The following FBXL17 variants were observed in gnomAD, a reference collection of about 807,000 sequenced individuals.
FBXL17 encodes F-box and leucine rich repeat protein 17.
In FBXL17, 22 loss-of-function variants were observed where a neutral mutation model predicts 66.2. The observed-to-expected ratio is 0.33, with a 90% CI of 0.24 to 0.47. FBXL17 has a LOEUF of 0.47. Ranked by LOEUF, FBXL17 falls within the 20% of genes least tolerant of loss-of-function variation. FBXL17 has a pLI of 1.00. For synonymous variants in FBXL17, 474 were observed against 400.5 expected (o/e 1.18, Z -2.19); for missense variants, 878 against 948.2 (o/e 0.93, Z 0.97).
At chr5:108,347,336 T>C (rs774712229) in intron 4 of FBXL17, among the ~76,000 whole-genome samples, 22 of 152,218 alleles carry the variant, frequency 1.4e-4, no homozygotes, top group Non-Finnish European at 2.8e-4. Flanking sequence ...CTACTGTATA[T>C]GCTATCCACT....
At chr5:108,161,118 G>C (rs940962585) in intron 6 of FBXL17, among the ~76,000 whole-genome samples, 1 of 151,586 alleles carries the variant, frequency 6.6e-6, no homozygotes, top group Non-Finnish European at 1.5e-5. Context: ...AGAGTCCCGG[G>C]AGAAAAAACT....
At chr5:108,016,803 G>T (rs1424160468) in intron 7 of FBXL17, among the ~76,000 whole-genome samples, 3 of 145,422 alleles carry the variant, frequency 2.1e-5, no homozygotes, top group Non-Finnish European at 4.5e-5. Context: ...TTTTGAGACA[G>T]AGTTTCGCTT....
intron 6 of FBXL17, among the ~76,000 whole-genome samples, chr5:108,164,419 C>T (rs1752333182): frequency 6.6e-6 from 1 of 152,138 alleles, no homozygotes; most frequent in African/African-American, 2.4e-5. Context: ...CAAGCCTCTT[C>T]TTAGGCTGTA....
chr5:108,239,375 A>G (rs537145048), intron 4 of FBXL17, among the ~76,000 whole-genome samples: 2 of 152,350 alleles, frequency 1.3e-5, no homozygotes, highest in South Asian at 4.1e-4. Context: ...CACAAGGCAC[A>G]GGGAGTGAAT....
At chr5:108,129,638 A>ATTACTGAG (rs1750852346) in intron 6 of FBXL17, among the ~76,000 whole-genome samples, 1 of 152,056 alleles carries the variant, frequency 6.6e-6, no homozygotes, top group African/African-American at 2.4e-5. Flanking sequence ...TGAGATGAAA[A>ATTACTGAG]TTACTGAGTA....
At chr5:108,286,492 AAAC>A (rs1757906250) in intron 4 of FBXL17, among the ~76,000 whole-genome samples, 1 of 151,858 alleles carries the variant, frequency 6.6e-6, no homozygotes, top group Admixed American at 6.6e-5. Flanking sequence ...TCCTATATAC[AAAC>A]AACATCCAAG....
chr5:107,877,871 T>G (rs1005854525), intron 8 of FBXL17, among the ~76,000 whole-genome samples: 1 of 152,218 alleles, frequency 6.6e-6, no homozygotes, highest in African/African-American at 2.4e-5. Context: ...CTGGCACAGA[T>G]GATCACAGAC....
At position 107,911,228 on chromosome 5, in the gene FBXL17, G is replaced by A. The variant is rs1749939578; in HGVS notation, c.1823-30049C>T. ...CTGAAGAGATTCCAGGAACAGACTT[G>A]TGGATATATGAAAATTTTTATAAGA... is the stretch of plus-strand genomic sequence containing the variant. On this transcript the variant is annotated intron_variant, in intron 7 of 8. Transcript: ENST00000542267. Among the ~76,000 whole-genome samples, 3 of 152,174 alleles carry A rather than the reference G, an allele frequency of 2.0e-5. No homozygotes were observed. The South Asian group carries it at 6.2e-4, about 32-fold the overall frequency.
Position 108,055,182 on chromosome 5 carries a change from T to C in FBXL17, c.1746-34181A>G, listed in dbSNP as rs139808811. On this transcript the variant is annotated intron_variant, in intron 6 of 8. Transcript: ENST00000542267. ...AATAATAAAATAACATTATTATTGA[T>C]AATATGCTACAGTATTATTACCAGA... Among the ~76,000 whole-genome samples, 154 of 148,432 alleles carry C rather than the reference T, an allele frequency of 1.0e-3. 1 individual carries two copies. The highest frequency in any genetic ancestry group is 3.8e-3 in the African/African-American group (152 of 40,394).
At chr5:108,108,374 T>C (rs943541628) in intron 6 of FBXL17, among the ~76,000 whole-genome samples, 2 of 152,196 alleles carry the variant, frequency 1.3e-5, no homozygotes, top group African/African-American at 4.8e-5. Flanking sequence ...GTTAAAAAAG[T>C]AGATAAACAA....
intron 7 of FBXL17, among the ~76,000 whole-genome samples, chr5:107,951,404 T>C (rs1751493416): frequency 6.6e-6 from 1 of 152,194 alleles, no homozygotes; most frequent in South Asian, 2.1e-4. Flanking sequence ...GGCATTCAGA[T>C]AAAAAACTGC....
At chr5:108,137,030 A>G (rs1014889413) in intron 6 of FBXL17, among the ~76,000 whole-genome samples, 8 of 152,188 alleles carry the variant, frequency 5.3e-5, no homozygotes, top group African/African-American at 1.9e-4. Flanking sequence ...TCAAAGGGTA[A>G]TAACATTTAA....
chr5:108,332,017 A>T (rs1760146682), intron 4 of FBXL17, among the ~76,000 whole-genome samples: 1 of 152,212 alleles, frequency 6.6e-6, no homozygotes, highest in Non-Finnish European at 1.5e-5. Context: ...TGACCTCCTT[A>T]GAAACTTATT....
intron 6 of FBXL17, among the ~76,000 whole-genome samples, chr5:108,117,549 A>G (rs1053183235): frequency 6.6e-6 from 1 of 152,242 alleles, no homozygotes. Flanking sequence ...CAACACAGTA[A>G]CTATGAGTAT....
chr5:108,336,556 T>A (rs531526195), intron 4 of FBXL17, among the ~76,000 whole-genome samples: 1 of 152,056 alleles, frequency 6.6e-6, no homozygotes, highest in Non-Finnish European at 1.5e-5. Context: ...TGTACAACCA[T>A]GTGAATGAAA....
chr5:108,261,855 A>G (rs956680733), intron 4 of FBXL17, among the ~76,000 whole-genome samples: 6 of 152,080 alleles, frequency 3.9e-5, no homozygotes, highest in African/African-American at 1.4e-4. Flanking sequence ...AATAAAGTGA[A>G]TAAATCAACA....
intron 6 of FBXL17, among the ~76,000 whole-genome samples, chr5:108,050,884 G>C (rs1747445414): frequency 6.8e-6 from 1 of 146,388 alleles, no homozygotes; most frequent in Non-Finnish European, 1.5e-5. Flanking sequence ...AAATCAAATA[G>C]AAAAAATGAT....
chr5:108,127,104 T>G (rs1750746407), intron 6 of FBXL17, among the ~76,000 whole-genome samples: 1 of 152,194 alleles, frequency 6.6e-6, no homozygotes, highest in Non-Finnish European at 1.5e-5. Flanking sequence ...TTTAGTTTGC[T>G]TGTGCAAACA....
intron 6 of FBXL17, among the ~76,000 whole-genome samples, chr5:108,033,159 A>G (rs1051406598): frequency 2.6e-5 from 4 of 152,204 alleles, no homozygotes; most frequent in Non-Finnish European, 4.4e-5. Context: ...CTTAGATTCT[A>G]TAATTAACAT....
Sources: allele counts gnomAD v4.1 joint callset (sites outside exome capture counted in the v4.1 genomes callset), GRCh38; gene constraint gnomAD v4.1.1; transcripts MANE v1.5; gene names NCBI Gene and HGNC (gene_info 2026-07-23, HGNC 2026-07-21).